The following FXR1 variants were observed in gnomAD, a reference collection of about 807,000 sequenced individuals.
FXR1 encodes the protein RNA-binding protein FXR1.
Under a neutral mutation model 84.0 loss-of-function variants are expected in FXR1, and 15 were observed. The observed-to-expected ratio is 0.18, with a 90% CI of 0.12 to 0.27. FXR1 has a LOEUF of 0.27. FXR1 is among the 10% of genes least tolerant of loss of function. The probability of loss-of-function intolerance (pLI) is 1.00; values close to 1 mark genes in which losing one functional copy is unlikely to be tolerated. For missense variants in FXR1, 480 were observed against 774.4 expected (o/e 0.62, Z 4.51); for synonymous variants, 245 against 250.7 (o/e 0.98, Z 0.21).
intron 10 of FXR1, among the ~76,000 whole-genome samples, chr3:180,959,096 G>T (rs534230391): frequency 2.0e-5 from 3 of 151,772 alleles, no homozygotes; most frequent in African/African-American, 4.8e-5. Flanking sequence ...GTGAGCCACC[G>T]TGCCCGGCCT....
At chr3:180,935,048 C>T in intron 2 of FXR1, 90 bp from the exon 3 acceptor site, 2 of 618,250 alleles carry the variant, frequency 3.2e-6, no homozygotes, top group Non-Finnish European at 5.8e-6. Flanking sequence ...TTAGGGAAAG[C>T]TAAATGATAA....
chr3:180,952,931 C>G (rs112086973), intron 8 of FXR1, among the ~76,000 whole-genome samples: 15 of 150,686 alleles, frequency 1.0e-4, no homozygotes, highest in Non-Finnish European at 1.9e-4. Context: ...CCCCTGGGCT[C>G]AAGCCATCCT....
At chr3:180,948,912 G>A (rs536578973) in intron 6 of FXR1, 98 bp downstream of exon 6, 42 of 710,936 alleles carry the variant, frequency 5.9e-5, no homozygotes, top group African/African-American at 4.8e-4. Flanking sequence ...TCAACTTAGT[G>A]TATAGTGAAT....
intron 8 of FXR1, 121 bp downstream of exon 8, chr3:180,951,589 C>G: frequency 1.4e-6 from 1 of 692,582 alleles, no homozygotes; most frequent in Non-Finnish European, 2.4e-6. Flanking sequence ...ATTCAATTAG[C>G]ATCAGTCAGC....
At chr3:180,973,800 A>G (rs1713882693) in intron 15 of FXR1, among the ~76,000 whole-genome samples, 1 of 152,202 alleles carries the variant, frequency 6.6e-6, no homozygotes, top group South Asian at 2.1e-4. Flanking sequence ...AAAGATTTAC[A>G]TAATAGTTCT....
intron 13 of FXR1, among the ~76,000 whole-genome samples, chr3:180,965,281 C>T: frequency 6.6e-6 from 1 of 151,862 alleles, no homozygotes; most frequent in East Asian, 2.0e-4. Flanking sequence ...TCCCAAAGTG[C>T]TGGGATTACA....
chr3:180,941,806 A>G (rs1210709130), intron 3 of FXR1, among the ~76,000 whole-genome samples: 1 of 152,220 alleles, frequency 6.6e-6, no homozygotes, highest in Non-Finnish European at 1.5e-5. Context: ...AGATAATACT[A>G]TTATTTAGGT....
intron 1 of FXR1, among the ~76,000 whole-genome samples, chr3:180,929,048 A>G (rs1037323279): frequency 2.0e-5 from 3 of 151,918 alleles, no homozygotes; most frequent in Non-Finnish European, 4.4e-5. Flanking sequence ...CAGCCTCCCA[A>G]GTAGCTGGGA....
chr3:180,937,125 G>T (rs1301047120), intron 3 of FXR1, among the ~76,000 whole-genome samples: 1 of 152,092 alleles, frequency 6.6e-6, no homozygotes, highest in Non-Finnish European at 1.5e-5. Flanking sequence ...AGAATAAAGG[G>T]CTTGATTCAT....
At chr3:180,941,684 A>G (rs766778825) in intron 3 of FXR1, among the ~76,000 whole-genome samples, 1 of 152,106 alleles carries the variant, frequency 6.6e-6, no homozygotes, top group Non-Finnish European at 1.5e-5. Flanking sequence ...AGACGAACAT[A>G]TTCTTTGTTA....
chr3:180,932,229 A>T (rs1720021763), intron 1 of FXR1, among the ~76,000 whole-genome samples: 1 of 151,846 alleles, frequency 6.6e-6, no homozygotes, highest in Non-Finnish European at 1.5e-5. Flanking sequence ...TTTTTGTCTT[A>T]CTTTGACCAG....
At chr3:180,915,591 T>C (rs760830125) in intron 1 of FXR1, 1 of 912,526 alleles carries the variant, frequency 1.1e-6, no homozygotes, top group South Asian at 1.4e-5. Context: ...AACATTTTAG[T>C]GTATTTCTTT....
chr3:180,931,129 C>T (rs1719849220), intron 1 of FXR1, among the ~76,000 whole-genome samples: 1 of 150,594 alleles, frequency 6.6e-6, no homozygotes, highest in South Asian at 2.1e-4. Context: ...AGAGCCTGAA[C>T]TACAGTGGCA....
intron 15 of FXR1, among the ~76,000 whole-genome samples, 185 bp from the exon 16 acceptor site, chr3:180,975,128 C>T (rs1714068383): frequency 6.6e-6 from 1 of 152,088 alleles, no homozygotes; most frequent in African/African-American, 2.4e-5. Context: ...TTGAAATTTT[C>T]TTCAGCACCA....
chr3:180,963,096 AAAAAAT>A lies in FXR1; in HGVS notation c.1198+7_1198+12del, dbSNP rs374302022. ...TAATTACACCTCCGGTTATGGTAAA[AAAAAAT>A]TTTTTTTTTTTTTTTTTGGTAATAG... On this transcript the variant is annotated splice_region_variant and intron_variant, in intron 13 of 16. Coordinates refer to ENST00000357559, the MANE Select transcript of FXR1 (RefSeq NM_005087.4). 2.2e-5 allele frequency: 30 copies of A among 1,372,218 alleles called. No individual in the cohort carries two copies. In the African/African-American group the frequency reaches 4.1e-4, roughly 19 times the overall value. The allele number at this position is 1,372,218 out of a possible 1,614,324, so 85.0% of individuals were successfully genotyped here. A position where few individuals can be genotyped will look rare whatever the true frequency, so the allele number is the denominator to read the frequency against.
chr3:180,954,568 G>T (rs912403221), intron 9 of FXR1, among the ~76,000 whole-genome samples: 1 of 152,102 alleles, frequency 6.6e-6, no homozygotes, highest in African/African-American at 2.4e-5. Flanking sequence ...AATTGGGAAG[G>T]CTTTGGTTAT....
Position 180,978,272 on chromosome 3 carries a change from A to T in FXR1, c.*1980A>T, listed in dbSNP as rs1283616940. The T allele has an allele frequency of 6.7e-6, 1 of 149,408 alleles. No individual in the cohort carries two copies. Among genetic ancestry groups the T allele is most frequent in the Non-Finnish European group, 1.5e-5 (1 of 66,672 alleles). The allele number at this position is 149,408 out of a possible 1,614,324, so 9.3% of individuals were successfully genotyped here. On this transcript the variant is annotated 3_prime_UTR_variant, in exon 17 of 17. Transcript: ENST00000357559. The stretch of plus-strand genomic sequence containing the variant: ...TTTCCATAAAGATGGTTTCAATGGG[A>T]ATGGAAGAAACAAAATCTTAAAAGA...
chr3:180,932,229 A>C (rs1720021763), intron 1 of FXR1, among the ~76,000 whole-genome samples: 1 of 151,846 alleles, frequency 6.6e-6, no homozygotes. Flanking sequence ...TTTTTGTCTT[A>C]CTTTGACCAG....
intron 9 of FXR1, among the ~76,000 whole-genome samples, chr3:180,954,834 A>G (rs1304065807): frequency 6.6e-6 from 1 of 151,604 alleles, no homozygotes; most frequent in African/African-American, 2.4e-5. Context: ...GTATAAAACA[A>G]ACGTTAATAG....
Sources: gnomAD v4.1 joint callset for allele counts (sites outside exome capture counted in the v4.1 genomes callset) on GRCh38, gnomAD v4.1.1 for gene constraint, MANE v1.5 for transcripts, NCBI Gene and HGNC (gene_info 2026-07-23, HGNC 2026-07-21) for gene names.